RBFOX1: variants seen among roughly 807,000 people sequenced by gnomAD.
RBFOX1 encodes the protein RNA binding fox-1 homolog 1.
A neutral mutation model predicts 57.7 loss-of-function variants in RBFOX1; 8 were observed. The ratio of observed to expected loss-of-function variants is 0.14; its 90% CI spans 0.08 to 0.25. The LOEUF (loss-of-function observed/expected upper bound fraction) is 0.25, where lower values mean the gene tolerates loss of function less well. RBFOX1 is among the 10% of genes least tolerant of loss of function. RBFOX1 has a pLI of 1.00. For synonymous variants in RBFOX1, 326 were observed against 222.4 expected (o/e 1.47, Z -4.15); for missense variants, 611 against 548.5 (o/e 1.11, Z -1.14).
At chr16:6,242,982 G>A (rs1199607906) in intron 1 of RBFOX1, among the ~76,000 whole-genome samples, 1 of 152,084 alleles carries the variant, frequency 6.6e-6, no homozygotes, top group Non-Finnish European at 1.5e-5. Flanking sequence ...TCTTTCTAGA[G>A]AAAAAGCCAG....
At chr16:7,297,001 G>A (rs537253153) in intron 4 of RBFOX1, among the ~76,000 whole-genome samples, 1 of 152,288 alleles carries the variant, frequency 6.6e-6, no homozygotes, top group African/African-American at 2.4e-5. Flanking sequence ...CATGTCAGGG[G>A]AAGAGCTGGG....
At chr16:6,021,498 TG>T (rs1472606106) in intron 1 of RBFOX1, among the ~76,000 whole-genome samples, 1 of 152,128 alleles carries the variant, frequency 6.6e-6, no homozygotes, top group East Asian at 1.9e-4. Flanking sequence ...AGGGTAAAGG[TG>T]GTGCTGGCAG....
intron 4 of RBFOX1, among the ~76,000 whole-genome samples, chr16:7,141,719 C>T (rs559562419): frequency 6.6e-6 from 1 of 152,058 alleles, no homozygotes; most frequent in Non-Finnish European, 1.5e-5. Context: ...TTCTCCTTTA[C>T]CTCATCATCC....
intron 4 of RBFOX1, among the ~76,000 whole-genome samples, chr16:5,961,812 G>C (rs547841124): frequency 6.6e-6 from 1 of 152,312 alleles, no homozygotes; most frequent in South Asian, 2.1e-4. Context: ...GCATGCATGA[G>C]TCATCATGTC....
rs78330941 is a variant in RBFOX1, at chr16:7,236,499, A to G, written c.27+184401A>G. On this transcript the variant is annotated intron_variant, in intron 4 of 15. Transcript: ENST00000550418. ...TGCTCCATGGTTCCTAAATGCATCCATCCCATTGCCATTAGGATTCTACTT... is the reference window on the plus strand; with the variant it reads ...TGCTCCATGGTTCCTAAATGCATCCGTCCCATTGCCATTAGGATTCTACTT... Among the ~76,000 whole-genome samples, 1,291 of 152,242 alleles carry G rather than the reference A, an allele frequency of 8.5e-3. 15 individuals are homozygous for G. Among genetic ancestry groups the G allele is most frequent in the Middle Eastern group, 0.034 (10 of 294 alleles).
intron 3 of RBFOX1, among the ~76,000 whole-genome samples, chr16:6,767,640 G>T (rs2077528284): frequency 6.6e-6 from 1 of 152,036 alleles, no homozygotes; most frequent in Non-Finnish European, 1.5e-5. Flanking sequence ...GAGAGGCTAG[G>T]TGTGGTGGCT....
intron 4 of RBFOX1, among the ~76,000 whole-genome samples, chr16:5,998,779 C>G (rs1458426510): frequency 6.6e-6 from 1 of 152,202 alleles, no homozygotes; most frequent in Non-Finnish European, 1.5e-5. Flanking sequence ...TCCTTCTGGT[C>G]TGTCGGCATC....
At chr16:7,401,887 G>T (rs2098250109) in intron 4 of RBFOX1, among the ~76,000 whole-genome samples, 1 of 152,124 alleles carries the variant, frequency 6.6e-6, no homozygotes, top group Admixed American at 6.6e-5. Context: ...AATGGCTCTG[G>T]AGAAATTTTA....
intron 2 of RBFOX1, among the ~76,000 whole-genome samples, chr16:5,493,326 C>G (rs935800822): frequency 5.3e-5 from 8 of 152,162 alleles, no homozygotes; most frequent in African/African-American, 1.7e-4. Flanking sequence ...CCCACCTTGG[C>G]CTCCCAAAGT....
At chr16:5,267,698 C>A (rs1411238558) in intron 1 of RBFOX1, among the ~76,000 whole-genome samples, 2 of 152,206 alleles carry the variant, frequency 1.3e-5, no homozygotes, top group Admixed American at 6.5e-5. Flanking sequence ...ATCTTCTCTA[C>A]TTCCAGAGTT....
At chr16:6,002,866 C>T (rs927315840) in intron 4 of RBFOX1, among the ~76,000 whole-genome samples, 1 of 152,104 alleles carries the variant, frequency 6.6e-6, no homozygotes, top group African/African-American at 2.4e-5. Flanking sequence ...TGTTAAATAT[C>T]CTCTGTGGTA....
At chr16:5,660,920 C>A (rs892524656) in intron 3 of RBFOX1, among the ~76,000 whole-genome samples, 2 of 152,096 alleles carry the variant, frequency 1.3e-5, no homozygotes, top group African/African-American at 4.8e-5. Context: ...TGCCTCCAAC[C>A]CAGGAGGAAG....
chr16:5,625,128 C>T (rs2048311002), intron 3 of RBFOX1, among the ~76,000 whole-genome samples: 1 of 152,134 alleles, frequency 6.6e-6, no homozygotes, highest in African/African-American at 2.4e-5. Flanking sequence ...GCATGTGAGC[C>T]ATCTTTCTCT....
chr16:7,467,351 T>G (rs1464806555), intron 4 of RBFOX1, among the ~76,000 whole-genome samples: 1 of 152,172 alleles, frequency 6.6e-6, no homozygotes, highest in Non-Finnish European at 1.5e-5. Flanking sequence ...TGGCAGTCTT[T>G]AAGGTCAACC....
At chr16:7,342,215 T>C (rs569023862) in intron 4 of RBFOX1, among the ~76,000 whole-genome samples, 1 of 152,240 alleles carries the variant, frequency 6.6e-6, no homozygotes, top group East Asian at 1.9e-4. Context: ...TCCTCATCTG[T>C]AAAATGGGAG....
At chr16:6,871,258 T>C (rs2060821855) in intron 3 of RBFOX1, among the ~76,000 whole-genome samples, 1 of 152,192 alleles carries the variant, frequency 6.6e-6, no homozygotes, top group African/African-American at 2.4e-5. Context: ...TGATCTCGGC[T>C]CACTCTAACC....
intron 2 of RBFOX1, among the ~76,000 whole-genome samples, chr16:6,544,708 T>A (rs2096870910): frequency 6.6e-6 from 1 of 152,208 alleles, no homozygotes; most frequent in South Asian, 2.1e-4. Context: ...TATATAAGTT[T>A]GTCTTTTCAA....
chr16:7,556,600 T>C (rs1007667558), intron 5 of RBFOX1, among the ~76,000 whole-genome samples: 3 of 152,186 alleles, frequency 2.0e-5, no homozygotes, highest in African/African-American at 7.2e-5. Flanking sequence ...CAGAGTTTCA[T>C]TCACCTAAGA....
At chr16:6,878,591 A>C (rs1265117096) in intron 3 of RBFOX1, among the ~76,000 whole-genome samples, 2 of 152,174 alleles carry the variant, frequency 1.3e-5, no homozygotes, top group African/African-American at 4.8e-5. Context: ...TGACACATGC[A>C]GTGTCCTCAT....
Sources: gnomAD v4.1 joint callset for allele counts (sites outside exome capture counted in the v4.1 genomes callset) on GRCh38, gnomAD v4.1.1 for gene constraint, MANE v1.5 for transcripts, NCBI Gene and HGNC (gene_info 2026-07-23, HGNC 2026-07-21) for gene names.